PREX2: variants seen among roughly 807,000 people sequenced by gnomAD.
The protein encoded by PREX2 is phosphatidylinositol 3,4,5-trisphosphate-dependent Rac exchanger 2 protein.
In PREX2, 107 loss-of-function variants were observed where a neutral mutation model predicts 203.2. The ratio of observed to expected loss-of-function variants is 0.53; its 90% CI spans 0.45 to 0.62. The LOEUF (loss-of-function observed/expected upper bound fraction) is 0.62, where lower values mean the gene tolerates loss of function less well. PREX2 is among the 20% of genes least tolerant of loss of function. PREX2 has a pLI of 0.00. For missense variants in PREX2, 1,777 were observed against 1,955.9 expected (o/e 0.91, Z 1.72); for synonymous variants, 672 against 663.6 (o/e 1.01, Z -0.19).
intron 35 of PREX2, among the ~76,000 whole-genome samples, chr8:68,186,867 C>A (rs182240527): frequency 7.9e-5 from 12 of 152,208 alleles, no homozygotes; most frequent in Non-Finnish European, 1.5e-4. Flanking sequence ...TTGATGTGGG[C>A]TACATTTTAG....
rs960497121 is a variant in PREX2, at chr8:68,236,851, T to C, written c.*5473T>C. The C allele has an allele frequency of 7.9e-5, 12 of 152,148 alleles. No individual in the cohort carries two copies. The highest frequency in any genetic ancestry group is 1.5e-4 in the Non-Finnish European group (10 of 67,992). The allele number at this position is 152,148 out of a possible 1,614,324, so 9.4% of individuals were successfully genotyped here. ...GGATGTGTTATTATAAAAGTCATCT[T>C]TTTTTCCTTTGTAAAATATCCATGT... is the stretch of plus-strand genomic sequence containing the variant. On this transcript the variant is annotated 3_prime_UTR_variant, in exon 40 of 40. Transcript: ENST00000288368.
chr8:68,088,390 G>A (rs917567892), intron 19 of PREX2, among the ~76,000 whole-genome samples: 1 of 152,136 alleles, frequency 6.6e-6, no homozygotes, highest in Non-Finnish European at 1.5e-5. Flanking sequence ...GGAAATAACT[G>A]TCAGATCCCA....
At chr8:68,173,392 T>TTTCAATATATA (rs1811916877) in intron 35 of PREX2, among the ~76,000 whole-genome samples, 2 of 152,182 alleles carry the variant, frequency 1.3e-5, no homozygotes, top group South Asian at 2.1e-4. Context: ...GTAGTGACAC[T>TTTCAATATATA]TTGAAAACAA....
At chr8:68,011,608 A>C (rs1185110096) in intron 1 of PREX2, among the ~76,000 whole-genome samples, 2 of 152,088 alleles carry the variant, frequency 1.3e-5, no homozygotes, top group African/African-American at 4.8e-5. Context: ...CAAGTGTTTG[A>C]AGAGAGGCTG....
chr8:68,213,064 T>C (rs1416138865), intron 37 of PREX2, among the ~76,000 whole-genome samples: 4 of 152,176 alleles, frequency 2.6e-5, no homozygotes, highest in African/African-American at 9.7e-5. Context: ...CTGTGTACAA[T>C]GGGCAGTAGG....
intron 1 of PREX2, among the ~76,000 whole-genome samples, chr8:67,993,455 G>A (rs1336086053): frequency 2.1e-5 from 3 of 142,572 alleles, no homozygotes; most frequent in Non-Finnish European, 3.0e-5. Flanking sequence ...CGCCCAGACT[G>A]GAGTACAGTG....
intron 7 of PREX2, among the ~76,000 whole-genome samples, chr8:68,040,061 G>A (rs1808149684): frequency 6.6e-6 from 1 of 152,108 alleles, no homozygotes; most frequent in African/African-American, 2.4e-5. Context: ...GTCTTGCTCT[G>A]TTGACCAGGC....
intron 3 of PREX2, among the ~76,000 whole-genome samples, chr8:68,020,434 A>T (rs1165925364): frequency 1.3e-5 from 2 of 152,126 alleles, no homozygotes; most frequent in Admixed American, 1.3e-4. Context: ...AAAATGCTAG[A>T]CAATTAATGT....
At chr8:68,069,001 G>A (rs755353791) in intron 11 of PREX2, 32 bp from the exon 12 acceptor site, 8 of 880,164 alleles carry the variant, frequency 9.1e-6, no homozygotes, top group South Asian at 5.7e-5. Context: ...TTAGAGTATC[G>A]TTATTTTAAT....
At chr8:68,018,046 G>C in intron 2 of PREX2, 129 bp downstream of exon 2, 1 of 668,410 alleles carries the variant, frequency 1.5e-6, no homozygotes, top group South Asian at 1.7e-5. Context: ...CCAGTCAGTT[G>C]TATTGGTAAT....
rs879789459 is a variant in PREX2, at chr8:68,176,966, T to TAA, written c.4347-14744_4347-14743dup. The TAA allele has an allele frequency of 4.6e-4, 65 of 142,572 alleles. 1 individual carries two copies. The highest frequency in any genetic ancestry group is 1.4e-3 in the African/African-American group (55 of 38,896). The allele number at this position is 142,572 out of a possible 1,614,324, so 8.8% of individuals were successfully genotyped here. On this transcript the variant is annotated intron_variant, in intron 35 of 39. Transcript: ENST00000288368. ...ACATTATAAAGATAGAGACAATTGT[T>TAA]AAAAAAAAAAAAACTATCCAGAAGA...
intron 12 of PREX2, 46 bp from the exon 13 acceptor site, chr8:68,069,789 C>A: frequency 1.1e-6 from 1 of 904,412 alleles, no homozygotes; most frequent in East Asian, 2.6e-5. Context: ...TTGAAATGTC[C>A]CTTGGGTAAT....
chr8:67,969,134 C>A (rs996053512), intron 1 of PREX2, among the ~76,000 whole-genome samples: 2 of 152,098 alleles, frequency 1.3e-5, no homozygotes, highest in African/African-American at 4.8e-5. Context: ...TGACAGTGCT[C>A]ATTTATCAAG....
Position 68,115,896 on chromosome 8 carries a change from C to T in PREX2, c.3290C>T (p.Ser1097Phe), listed in dbSNP as rs1354459309. The change falls in exon 26 of 40, where the codon TCT becomes TTT. Residue 1097 changes from serine (S) to phenylalanine (F), a missense_variant. Physicochemically the swap from Ser to Phe is radical, Grantham distance 155. Transcript: ENST00000288368. ...FNVAGDEQED[S>F]GHDTISNRDS... ...GTAGCAGGAGATGAACAGGAAGATT[C>T]TGGTCATGACACCATCAGCAACAGA... The T allele has an allele frequency of 6.2e-7, 1 of 1,613,136 alleles. No homozygotes were observed. Among genetic ancestry groups the T allele is most frequent in the Non-Finnish European group, 8.5e-7 (1 of 1,179,720 alleles).
chr8:68,087,663 G>C, intron 18 of PREX2, 61 bp from the exon 19 acceptor site: 1 of 1,183,370 alleles, frequency 8.5e-7, no homozygotes, highest in East Asian at 2.3e-5. Context: ...TGTACACGAC[G>C]ATTATTTCAA....
intron 1 of PREX2, among the ~76,000 whole-genome samples, chr8:67,997,726 A>T (rs1329222848): frequency 6.6e-6 from 1 of 152,150 alleles, no homozygotes; most frequent in East Asian, 1.9e-4. Flanking sequence ...TTTTTAAGAT[A>T]TCAGTTCTCA....
intron 7 of PREX2, among the ~76,000 whole-genome samples, chr8:68,040,428 C>T (rs1055287260): frequency 1.3e-5 from 2 of 152,104 alleles, no homozygotes; most frequent in African/African-American, 4.8e-5. Flanking sequence ...TCTCCAAACA[C>T]AATACCTCCC....
At position 68,050,671 on chromosome 8, in the gene PREX2, T is replaced by C. The variant is rs1001818780; in HGVS notation, c.944-2426T>C. ...ACATTGAAACAATAGCCACATGTGA[T>C]CAATCACATGCTCACTTATCTGATT... On this transcript the variant is annotated intron_variant, in intron 8 of 39. Transcript: ENST00000288368. Among the ~76,000 whole-genome samples the C allele has an allele frequency of 4.6e-5, 7 of 152,282 alleles. No homozygotes were observed. In the East Asian group the frequency reaches 1.4e-3, roughly 29 times the overall value.
intron 1 of PREX2, among the ~76,000 whole-genome samples, chr8:67,962,736 A>G (rs1805666853): frequency 6.6e-6 from 1 of 151,474 alleles, no homozygotes; most frequent in Non-Finnish European, 1.5e-5. Flanking sequence ...TCTCCCAAAT[A>G]GCTGGGATTA....
Sources: allele counts gnomAD v4.1 joint callset (sites outside exome capture counted in the v4.1 genomes callset), GRCh38; gene constraint gnomAD v4.1.1; transcripts MANE v1.5; gene names NCBI Gene and HGNC (gene_info 2026-07-23, HGNC 2026-07-21).